The following SLMAP variants were observed in gnomAD, a reference collection of about 807,000 sequenced individuals.
The protein encoded by SLMAP is sarcolemma associated protein.
In SLMAP, 44 loss-of-function variants were observed where a neutral mutation model predicts 128.8. That is an observed-to-expected ratio of 0.34 (90% CI 0.27 to 0.44). SLMAP has a LOEUF of 0.44. Among genes scored for constraint, SLMAP ranks in the 20% least tolerant of loss-of-function variants. SLMAP has a pLI of 1.00. For missense variants in SLMAP, 787 were observed against 985.3 expected (o/e 0.80, Z 2.69); for synonymous variants, 327 against 348.8 (o/e 0.94, Z 0.70).
Position 57,817,473 on chromosome 3 carries a change from A to G in SLMAP, c.199-13910A>G, listed in dbSNP as rs906975859. On this transcript the variant is annotated intron_variant, in intron 2 of 24. Transcript: ENST00000671191. ...AGTCTAGGTTGTAGATGTTACAGTC[A>G]TGTAATATTTATTTAAAATATTTAT... 9.9e-5 allele frequency among the ~76,000 whole-genome samples: 15 copies of G among 152,234 alleles called. 1 individual carries two copies. Among genetic ancestry groups the G allele is most frequent in the Non-Finnish European group, 1.5e-5 (1 of 68,040 alleles).
At chr3:57,836,493 A>T (rs2093648753) in intron 3 of SLMAP, among the ~76,000 whole-genome samples, 1 of 152,116 alleles carries the variant, frequency 6.6e-6, no homozygotes, top group Non-Finnish European at 1.5e-5. Context: ...ATCCAAAACA[A>T]TCTGTTTTTT....
intron 2 of SLMAP, among the ~76,000 whole-genome samples, chr3:57,823,032 T>G (rs1255666304): frequency 6.6e-6 from 1 of 152,148 alleles, no homozygotes; most frequent in Admixed American, 6.5e-5. Context: ...GGAGCCTGAT[T>G]TCCAGAGTTA....
At chr3:57,802,129 A>G (rs147985611) in intron 2 of SLMAP, among the ~76,000 whole-genome samples, 26 of 152,198 alleles carry the variant, frequency 1.7e-4, no homozygotes, top group African/African-American at 4.8e-4. Context: ...CTTGAAGTCA[A>G]TTTTTTTGTC....
Position 57,864,730 on chromosome 3 carries a change from C to G in SLMAP, c.1135+14C>G. The stretch of plus-strand genomic sequence containing the variant: ...CAGCTTTACAAGGTAAGTAGCTAAT[C>G]CAGAAATTGATTTTATTTTATTTTT... On this transcript the variant is annotated intron_variant, in intron 11 of 24. Coordinates refer to ENST00000671191, the MANE Select transcript of SLMAP (RefSeq NM_001377540.1). 1 of 1,579,020 alleles carries G rather than the reference C, an allele frequency of 6.3e-7. No homozygotes were observed. Among genetic ancestry groups the G allele is most frequent in the East Asian group, 2.2e-5 (1 of 44,504 alleles).
intron 2 of SLMAP, among the ~76,000 whole-genome samples, chr3:57,820,411 C>T (rs1436559381): frequency 3.9e-5 from 6 of 152,142 alleles, no homozygotes; most frequent in African/African-American, 2.4e-5. Context: ...TAACACACCC[C>T]GAGAGGAAAA....
At chr3:57,776,522 C>CTCTTTTT (rs571722815) in intron 2 of SLMAP, among the ~76,000 whole-genome samples, 4 of 92,610 alleles carry the variant, frequency 4.3e-5, no homozygotes, top group African/African-American at 1.9e-4. Flanking sequence ...CTCTCTCTCT[C>CTCTTTTT]TTTTTTTTTT....
At chr3:57,873,802 C>T (rs751204806) in intron 14 of SLMAP, among the ~76,000 whole-genome samples, 1 of 152,086 alleles carries the variant, frequency 6.6e-6, no homozygotes, top group Non-Finnish European at 1.5e-5. Flanking sequence ...TAGTGAGACC[C>T]GTTCCTATAA....
chr3:57,843,486 T>C (rs1383192706), intron 4 of SLMAP, among the ~76,000 whole-genome samples: 1 of 151,138 alleles, frequency 6.6e-6, no homozygotes, highest in Non-Finnish European at 1.5e-5. Context: ...TTTGTACTTT[T>C]AGTAGAGATG....
At chr3:57,879,651 A>G (rs1429644887) in intron 14 of SLMAP, among the ~76,000 whole-genome samples, 3 of 152,114 alleles carry the variant, frequency 2.0e-5, no homozygotes, top group Non-Finnish European at 4.4e-5. Flanking sequence ...ATACCATGAA[A>G]GTCAGGATAG....
At chr3:57,803,655 A>G (rs2089126829) in intron 2 of SLMAP, among the ~76,000 whole-genome samples, 1 of 152,242 alleles carries the variant, frequency 6.6e-6, no homozygotes, top group Non-Finnish European at 1.5e-5. Flanking sequence ...AAATCTGGTC[A>G]TGCCTTCCTC....
chr3:57,852,893 CAG>C (rs2094559006), intron 6 of SLMAP, among the ~76,000 whole-genome samples: 3 of 152,160 alleles, frequency 2.0e-5, no homozygotes, highest in African/African-American at 7.2e-5. Context: ...AAAATTATAC[CAG>C]TCTTTTCTGT....
Position 57,860,957 on chromosome 3 carries a change from G to C in SLMAP, c.828+118G>C, listed in dbSNP as rs113796370. On this transcript the variant is annotated intron_variant, in intron 9 of 24. Coordinates refer to ENST00000671191, the MANE Select transcript of SLMAP (RefSeq NM_001377540.1). The stretch of plus-strand genomic sequence containing the variant: ...TATAGTTAGGAAATACTTTCTGTCT[G>C]TCAGGTGGGAAGGAACAGTTACGCT... 60 of 831,382 alleles carry C rather than the reference G, an allele frequency of 7.2e-5. No individual in the cohort carries two copies. In the African/African-American group the frequency reaches 9.3e-4, roughly 13 times the overall value. The allele number at this position is 831,382 out of a possible 1,614,324, so 51.5% of individuals were successfully genotyped here.
At chr3:57,825,326 G>A (rs1365775784) in intron 2 of SLMAP, among the ~76,000 whole-genome samples, 3 of 151,794 alleles carry the variant, frequency 2.0e-5, no homozygotes, top group African/African-American at 7.3e-5. Flanking sequence ...TCTCAATGGG[G>A]AATGCTTTCA....
Position 57,912,528 on chromosome 3 carries a change from A to T in SLMAP, c.1847A>T (p.Asp616Val), listed in dbSNP as rs1316170402. ...GCAGCAAAGGTTGCCTCTGAGCGGG[A>T]CACTGACATTGCTTCTTTACAAGAA... ...QAAAKVASER[D>V]TDIASLQEEL... Residue 616 changes from aspartate to valine, a missense_variant, in exon 20 of 25, where the codon GAC becomes GTC. Physicochemically the swap from Asp to Val is radical, Grantham distance 152. Coordinates refer to ENST00000671191, the MANE Select transcript of SLMAP (RefSeq NM_001377540.1). 6.2e-7 allele frequency: 1 copy of T among 1,614,188 alleles called. No individual in the cohort carries two copies. The highest frequency in any genetic ancestry group is 8.5e-7 in the Non-Finnish European group (1 of 1,180,020).
chr3:57,798,546 C>A (rs148569586), intron 2 of SLMAP, among the ~76,000 whole-genome samples: 1 of 151,906 alleles, frequency 6.6e-6, no homozygotes, highest in Non-Finnish European at 1.5e-5. Flanking sequence ...GGCATAAAAC[C>A]CAAGAGAATA....
At chr3:57,772,946 C>T (rs2081182702) in intron 2 of SLMAP, among the ~76,000 whole-genome samples, 1 of 152,100 alleles carries the variant, frequency 6.6e-6, no homozygotes, top group Admixed American at 6.6e-5. Context: ...AGCCTACCAT[C>T]ATGTTTCTTT....
rs929442747 is a variant in SLMAP, at chr3:57,915,179, T to C, written c.2139-1727T>C. ...CACTGCCCTCGGCCGAAAGTATTGATATTTTAATGATTCAGGCTAGATCCC... is the reference window on the plus strand; with the variant it reads ...CACTGCCCTCGGCCGAAAGTATTGACATTTTAATGATTCAGGCTAGATCCC... On this transcript the variant is annotated intron_variant, in intron 21 of 24. Transcript: ENST00000671191. 2.6e-5 allele frequency among the ~76,000 whole-genome samples: 4 copies of C among 152,240 alleles called. No individual in the cohort carries two copies. In the East Asian group the frequency reaches 7.7e-4, roughly 29 times the overall value.
At chr3:57,770,668 T>G (rs1175076854) in intron 2 of SLMAP, among the ~76,000 whole-genome samples, 3 of 152,190 alleles carry the variant, frequency 2.0e-5, no homozygotes, top group Non-Finnish European at 4.4e-5. Flanking sequence ...TGTTTTCAGT[T>G]TTCCTCATAT....
intron 2 of SLMAP, among the ~76,000 whole-genome samples, chr3:57,806,247 C>A (rs1051722967): frequency 3.8e-4 from 57 of 151,922 alleles, no homozygotes; most frequent in African/African-American, 1.4e-3. Context: ...GTGTTGTTCC[C>A]CTCCCTGTGT....
Sources: allele counts gnomAD v4.1 joint callset (sites outside exome capture counted in the v4.1 genomes callset), GRCh38; gene constraint gnomAD v4.1.1; transcripts MANE v1.5; gene names NCBI Gene and HGNC (gene_info 2026-07-23, HGNC 2026-07-21).